The following DYNC2I1 variants were observed in gnomAD, a reference collection of about 807,000 sequenced individuals.
DYNC2I1 encodes dynein 2 intermediate chain 1.
A neutral mutation model predicts 133.4 loss-of-function variants in DYNC2I1; 89 were observed. The observed-to-expected ratio is 0.67, with a 90% CI of 0.56 to 0.80. The LOEUF is 0.80. Ranked by LOEUF, DYNC2I1 falls within the 30% of genes least tolerant of loss-of-function variation. The pLI, the probability that DYNC2I1 is intolerant of heterozygous loss-of-function variation, is 0.00. For missense variants in DYNC2I1, 1,291 were observed against 1,314.5 expected (o/e 0.98, Z 0.28); for synonymous variants, 504 against 484.3 (o/e 1.04, Z -0.54).
At chr7:158,884,146 G>A (rs938543927) in intron 5 of DYNC2I1, among the ~76,000 whole-genome samples, 4 of 150,066 alleles carry the variant, frequency 2.7e-5, no homozygotes, top group Non-Finnish European at 5.9e-5. Flanking sequence ...CCGGGTTCAC[G>A]CCATTCTCCT....
downstream of DYNC2I1, among the ~76,000 whole-genome samples, chr7:158,948,594 G>A (rs376018014): frequency 9.8e-3 from 1,491 of 152,044 alleles, 30 homozygotes; most frequent in African/African-American, 0.034. Flanking sequence ...AAGGTGGCGC[G>A]GGGGATGGCT....
intron 13 of DYNC2I1, 22 bp downstream of exon 13, chr7:158,913,118 T>C (rs374768698): frequency 1.2e-4 from 177 of 1,505,414 alleles, no homozygotes; most frequent in Non-Finnish European, 1.5e-4. Context: ...CTCTTGAGTG[T>C]TGACCATTGA....
intron 6 of DYNC2I1, 44 bp from the exon 7 acceptor site, chr7:158,886,977 C>A: frequency 1.3e-6 from 2 of 1,556,576 alleles, no homozygotes; most frequent in South Asian, 2.2e-5. Context: ...TTTAAAAGCT[C>A]TCATTTAAAG....
At chr7:158,883,978 A>G (rs1844338677) in intron 5 of DYNC2I1, among the ~76,000 whole-genome samples, 1 of 143,732 alleles carries the variant, frequency 7.0e-6, no homozygotes, top group Non-Finnish European at 1.5e-5. Context: ...GACTTCTTTA[A>G]TAGAAGAATC....
chr7:158,938,115 A>T lies in DYNC2I1; in HGVS notation c.2778+3566A>T, dbSNP rs79968235. ...AGGAGATCAATATCCAGGTATAGGA[A>T]GGTCAGAGAACATCAAACAGATTCA... is the stretch of plus-strand genomic sequence containing the variant. On this transcript the variant is annotated intron_variant, in intron 23 of 24. Transcript: ENST00000407559. Among the ~76,000 whole-genome samples the T allele has an allele frequency of 9.8e-5, 15 of 152,350 alleles. 1 individual carries two copies. The East Asian group carries it at 2.9e-3, about 29-fold the overall frequency.
chr7:158,871,638 G>T, intron 3 of DYNC2I1, 76 bp downstream of exon 3: 1 of 1,397,410 alleles, frequency 7.2e-7, no homozygotes, highest in Non-Finnish European at 9.4e-7. Context: ...ATAGCTCGCT[G>T]CCTCCCCTCC....
intron 8 of DYNC2I1, among the ~76,000 whole-genome samples, chr7:158,899,685 T>C (rs542246211): frequency 6.6e-6 from 1 of 152,212 alleles, no homozygotes; most frequent in African/African-American, 2.4e-5. Context: ...ATACATCTCA[T>C]GAGATCTGAT....
chr7:158,951,285 G>A (rs1852045933), intron 4 of DYNC2I1, among the ~76,000 whole-genome samples: 1 of 152,204 alleles, frequency 6.6e-6, no homozygotes, highest in South Asian at 2.1e-4. Flanking sequence ...GCCTGGATGT[G>A]GCTGTGCCTT....
chr7:158,866,366 G>A (rs901798577), intron 1 of DYNC2I1, among the ~76,000 whole-genome samples: 2 of 150,558 alleles, frequency 1.3e-5, no homozygotes, highest in Non-Finnish European at 3.0e-5. Flanking sequence ...CTGTCCCTGA[G>A]TGTCCTGGGT....
chr7:158,916,890 T>C (rs548666537), intron 14 of DYNC2I1, among the ~76,000 whole-genome samples: 1 of 84,326 alleles, frequency 1.2e-5, no homozygotes, highest in South Asian at 3.3e-4. Flanking sequence ...AGGATGATTG[T>C]GAAACCTCGA....
chr7:158,895,292 G>A (rs1845659067), intron 8 of DYNC2I1, among the ~76,000 whole-genome samples: 1 of 152,284 alleles, frequency 6.6e-6, no homozygotes, highest in South Asian at 2.1e-4. Context: ...TTACACTTAG[G>A]TCTGTGATCT....
chr7:158,927,165 G>C, intron 20 of DYNC2I1, 122 bp downstream of exon 20: 1 of 655,426 alleles, frequency 1.5e-6, no homozygotes, highest in Non-Finnish European at 2.6e-6. Flanking sequence ...ACGTTGGGAG[G>C]CTGAGGAAGG....
chr7:158,913,191 G>A (rs889425795), intron 13 of DYNC2I1, 95 bp downstream of exon 13: 18 of 976,860 alleles, frequency 1.8e-5, no homozygotes, highest in Non-Finnish European at 2.4e-5. Flanking sequence ...CTTTCATTTT[G>A]TCTTTCTCTT....
chr7:158,886,231 A>G (rs1844589278), intron 6 of DYNC2I1, among the ~76,000 whole-genome samples: 1 of 152,090 alleles, frequency 6.6e-6, no homozygotes, highest in Admixed American at 6.6e-5. Flanking sequence ...CCCTGGTTCA[A>G]GCAAATTCCC....
intron 8 of DYNC2I1, among the ~76,000 whole-genome samples, chr7:158,893,258 A>T (rs1230289088): frequency 6.6e-6 from 1 of 151,930 alleles, no homozygotes; most frequent in Non-Finnish European, 1.5e-5. Context: ...CCCCTTATTC[A>T]TGGTAATCAC....
intron 3 of DYNC2I1, among the ~76,000 whole-genome samples, chr7:158,872,590 G>A (rs954633058): frequency 3.3e-5 from 5 of 151,984 alleles, no homozygotes; most frequent in African/African-American, 1.2e-4. Context: ...AGCTGAGATT[G>A]TGCCACTGTA....
chr7:158,925,421 A>C (rs1291040250), intron 17 of DYNC2I1, among the ~76,000 whole-genome samples: 1 of 151,974 alleles, frequency 6.6e-6, no homozygotes, highest in South Asian at 2.1e-4. Context: ...AGGAGATGTG[A>C]TTCCATTTGG....
intron 13 of DYNC2I1, among the ~76,000 whole-genome samples, chr7:158,913,556 G>A (rs577854682): frequency 1.8e-4 from 27 of 152,254 alleles, no homozygotes; most frequent in African/African-American, 5.3e-4. Context: ...ACTCTGGAGC[G>A]ATTTACATGT....
intron 11 of DYNC2I1, among the ~76,000 whole-genome samples, chr7:158,907,273 CTTTTTTTTTTTTT>C (rs36062364): frequency 4.8e-4 from 48 of 99,724 alleles, no homozygotes; most frequent in African/African-American, 1.3e-3. Flanking sequence ...CCATGGCCTT[CTTTTTTTTTTTTT>C]TTTTTTTTTT....
Sources: gnomAD v4.1 joint callset for allele counts (sites outside exome capture counted in the v4.1 genomes callset) on GRCh38, gnomAD v4.1.1 for gene constraint, MANE v1.5 for transcripts, NCBI Gene and HGNC (gene_info 2026-07-23, HGNC 2026-07-21) for gene names.